ASPSCR1: variants seen among roughly 807,000 people sequenced by gnomAD.
The protein encoded by ASPSCR1 is tether containing UBX domain for GLUT4.
A neutral mutation model predicts 68.9 loss-of-function variants in ASPSCR1; 55 were observed. The observed-to-expected ratio is 0.80, with a 90% CI of 0.64 to 1.00. The LOEUF is 1.00. Ranked by LOEUF, ASPSCR1 falls within the 50% of genes least tolerant of loss-of-function variation. ASPSCR1 has a pLI of 0.00. For synonymous variants in ASPSCR1, 352 were observed against 332.6 expected, an observed-to-expected ratio of 1.06 and a Z score of -0.63; for missense variants, 765 against 762.2, an observed-to-expected ratio of 1.00 and a Z score of -0.04.
chr17:81,980,915 T>A (rs925281497), intron 2 of ASPSCR1, among the ~76,000 whole-genome samples: 7 of 152,148 alleles, frequency 4.6e-5, no homozygotes, highest in African/African-American at 1.7e-4. Flanking sequence ...CCTGTAATCC[T>A]AGCACTTTGG....
At chr17:82,000,517 G>T (rs890014543) in intron 7 of ASPSCR1, among the ~76,000 whole-genome samples, 1 of 152,190 alleles carries the variant, frequency 6.6e-6, no homozygotes, top group African/African-American at 2.4e-5. Context: ...TTCAGTGATG[G>T]GGGGAGGGGA....
In ASPSCR1 at chr17:81,994,627, G is replaced by T. The variant is rs558872121; in HGVS notation, c.375-194G>T. ...CCTTGGGAGCGCCCCCGGCTGTCAG[G>T]TGCCTCCTTTTGGTGGTTGTGGGGC... On this transcript the variant is annotated intron_variant, in intron 4 of 15. Coordinates refer to ENST00000306739, the MANE Select transcript of ASPSCR1 (RefSeq NM_024083.4). Among the ~76,000 whole-genome samples the T allele has an allele frequency of 5.3e-3, 808 of 152,348 alleles. 7 individuals carry two copies. The highest frequency in any genetic ancestry group is 7.1e-3 in the Non-Finnish European group (485 of 68,018).
At chr17:81,994,476 G>A (rs1009497994) in intron 4 of ASPSCR1, among the ~76,000 whole-genome samples, 6 of 152,310 alleles carry the variant, frequency 3.9e-5, no homozygotes, top group Non-Finnish European at 7.4e-5. Context: ...GCCGCATTCC[G>A]GAGCCAGTGC....
intron 10 of ASPSCR1, 150 bp from the exon 11 acceptor site, chr17:82,011,392 CG>C (rs1436371256): frequency 2.0e-5 from 15 of 759,370 alleles, no homozygotes; most frequent in South Asian, 3.8e-5. Flanking sequence ...CCAGCCACGC[CG>C]AGCACCTGGA....
chr17:82,016,632 C>A, intron 13 of ASPSCR1, 105 bp downstream of exon 13: 1 of 1,490,292 alleles, frequency 6.7e-7, no homozygotes, highest in South Asian at 1.2e-5. Context: ...TCCTTTGGGT[C>A]TGAGAGGGAG....
chr17:81,994,789 G>C, intron 4 of ASPSCR1, 32 bp from the exon 5 acceptor site: 1 of 1,609,606 alleles, frequency 6.2e-7, no homozygotes, highest in Non-Finnish European at 8.5e-7. Flanking sequence ...GCTGCCCTGG[G>C]GTACCTGATG....
chr17:82,010,540 A>C (rs1311551439), intron 9 of ASPSCR1, among the ~76,000 whole-genome samples: 8 of 150,528 alleles, frequency 5.3e-5, no homozygotes, highest in South Asian at 2.1e-4. Context: ...AAAAAAAAAA[A>C]AAAAAAAAAA....
intron 7 of ASPSCR1, among the ~76,000 whole-genome samples, chr17:82,004,096 C>T (rs1374748078): frequency 2.6e-5 from 4 of 152,210 alleles, no homozygotes; most frequent in African/African-American, 9.7e-5. Flanking sequence ...GTCATCACAT[C>T]CTGGAAAATT....
At chr17:82,015,171 G>A in intron 12 of ASPSCR1, 1 of 1,598,322 alleles carries the variant, frequency 6.3e-7, no homozygotes, top group South Asian at 1.1e-5. Context: ...AGTGGTAGGA[G>A]ATGGAGGCGA....
In ASPSCR1 at chr17:81,995,965, C is replaced by T. The variant is rs779747467; in HGVS notation, c.433-27C>T. ...GGCTCTGGGGTCCCGGTGCAAGGCGCACCTGTCCTGGCTGCTCCTCCTGCA... is the reference window on the plus strand; with the variant it reads ...GGCTCTGGGGTCCCGGTGCAAGGCGTACCTGTCCTGGCTGCTCCTCCTGCA... On this transcript the variant is annotated intron_variant, in intron 5 of 15. Transcript: ENST00000306739. 2.1e-5 allele frequency: 33 copies of T among 1,603,056 alleles called. No individual in the cohort carries two copies. In the South Asian group the frequency reaches 2.1e-4, roughly 10 times the overall value.
intron 3 of ASPSCR1, 110 bp from the exon 4 acceptor site, chr17:81,985,397 A>G: frequency 8.9e-7 from 1 of 1,128,496 alleles, no homozygotes; most frequent in East Asian, 2.5e-5. Flanking sequence ...CTCTCCCTGG[A>G]GGCCAGGGCG....
At chr17:82,011,465 G>GC (rs1310768046) in intron 10 of ASPSCR1, 78 bp from the exon 11 acceptor site, 1 of 1,346,306 alleles carries the variant, frequency 7.4e-7, no homozygotes, top group Non-Finnish European at 1.0e-6. Flanking sequence ...GAGGGTGGGA[G>GC]CAGTGGCCCA....
At chr17:81,988,440 G>A (rs1245559503) in intron 4 of ASPSCR1, among the ~76,000 whole-genome samples, 2 of 149,794 alleles carry the variant, frequency 1.3e-5, no homozygotes, top group Non-Finnish European at 3.0e-5. Context: ...GGGTGACAAA[G>A]CAGGACTCCG....
chr17:82,000,442 C>T (rs1160814945), intron 7 of ASPSCR1, among the ~76,000 whole-genome samples: 1 of 152,162 alleles, frequency 6.6e-6, no homozygotes, highest in Non-Finnish European at 1.5e-5. Context: ...GCCTGCCCCG[C>T]GCCTCCCATC....
intron 2 of ASPSCR1, 132 bp downstream of exon 2, chr17:81,979,371 C>A: frequency 2.0e-6 from 2 of 999,622 alleles, no homozygotes; most frequent in Non-Finnish European, 3.1e-6. Context: ...ACTCTGGAGA[C>A]CCAAGGCCTT....
chr17:82,014,065 GCT>G (rs1394364257), intron 12 of ASPSCR1: 1 of 152,230 alleles, frequency 6.6e-6, no homozygotes, highest in African/African-American at 2.4e-5. Flanking sequence ...GTTTGTTGGA[GCT>G]CTCAGGCTGC....
intron 7 of ASPSCR1, among the ~76,000 whole-genome samples, chr17:81,997,599 C>A (rs1240033372): frequency 6.7e-6 from 1 of 150,148 alleles, no homozygotes; most frequent in African/African-American, 2.4e-5. Context: ...GTGATTACTC[C>A]TGCCTCAGCC....
rs1444329714 is a variant in ASPSCR1, at chr17:81,979,973, GT to G, written c.158+735del. ...TTTCACTTTAAAGTCCTGTTTTCTGGTGTTTTTTTTGTTTTGTTTTGTTTTT... is the reference window on the plus strand; with the variant it reads ...TTTCACTTTAAAGTCCTGTTTTCTGGGTTTTTTTTGTTTTGTTTTGTTTTT... On this transcript the variant is annotated intron_variant, in intron 2 of 15. Coordinates refer to ENST00000306739, the MANE Select transcript of ASPSCR1 (RefSeq NM_024083.4). Among the ~76,000 whole-genome samples the G allele has an allele frequency of 2.0e-5, 3 of 152,074 alleles. No homozygotes were observed. In the East Asian group the frequency reaches 5.8e-4, roughly 29 times the overall value.
At chr17:82,015,419 G>A (rs2043089539) in intron 12 of ASPSCR1, 1 of 1,525,184 alleles carries the variant, frequency 6.6e-7, no homozygotes, top group Middle Eastern at 2.0e-4. Flanking sequence ...GGTGCCCCAG[G>A]CCTGGCTGCC....
Sources: allele counts gnomAD v4.1 joint callset (sites outside exome capture counted in the v4.1 genomes callset), GRCh38; gene constraint gnomAD v4.1.1; transcripts MANE v1.5; gene names NCBI Gene and HGNC (gene_info 2026-07-23, HGNC 2026-07-21).